The following PCDHGA3 variants were observed in gnomAD, a reference collection of about 807,000 sequenced individuals.
PCDHGA3 encodes protocadherin gamma-A3.
PCDHGA3 carries 40 observed loss-of-function variants against 58.5 expected under a neutral mutation model. That is an observed-to-expected ratio of 0.68 (90% confidence interval 0.53 to 0.89). The LOEUF is 0.89. Among genes scored for constraint, PCDHGA3 ranks in the 40% least tolerant of loss-of-function variants. The pLI, the probability that PCDHGA3 is intolerant of heterozygous loss-of-function variation, is 0.00. For synonymous variants in PCDHGA3, 530 were observed against 525.7 expected (o/e 1.01, Z -0.11); for missense variants, 1,223 against 1,195.9 (o/e 1.02, Z -0.33).
rs376621545 is a variant in PCDHGA3, at chr5:141,422,143, G to A, written c.2425-72664G>A. The stretch of plus-strand genomic sequence containing the variant: ...ACAAACTGGAGAAGTTCAAGTACGG[G>A]GGTCTCTGGATTTTGAAAAATATAG... On this transcript the variant is annotated intron_variant, in intron 1 of 3. Transcript: ENST00000253812. 36 of 1,583,638 alleles carry A rather than the reference G, an allele frequency of 2.3e-5. No individual in the cohort carries two copies. The African/African-American group carries it at 3.8e-4, about 17-fold the overall frequency.
chr5:141,390,358 G>A lies in PCDHGA3; in HGVS notation c.2424+43901G>A, dbSNP rs934109377. ...TATTCACAAGAAAATATACATATTT[G>A]CAGGAAAATATATAATTTTTAGATG... is the stretch of plus-strand genomic sequence containing the variant. On this transcript the variant is annotated intron_variant, in intron 1 of 3. Coordinates refer to ENST00000253812, the MANE Select transcript of PCDHGA3 (RefSeq NM_018916.4). The A allele has an allele frequency of 3.9e-6, 6 of 1,540,796 alleles. No homozygotes were observed. In the African/African-American group the frequency reaches 8.3e-5, roughly 21 times the overall value.
chr5:141,371,636 G>A, intron 1 of PCDHGA3: 4 of 1,614,044 alleles, frequency 2.5e-6, no homozygotes, highest in African/African-American at 2.7e-5. Context: ...ACCGGGAGCA[G>A]ATCCCAGAAT....
rs767330174 is a variant in PCDHGA3, at chr5:141,491,818, C to T, written c.2425-2989C>T. The T allele has an allele frequency of 1.6e-5, 24 of 1,481,560 alleles. No homozygotes were observed. The highest frequency in any genetic ancestry group is 1.9e-5 in the Non-Finnish European group (21 of 1,116,446). 91.8% of individuals were successfully genotyped at this position (1,481,560 alleles called of 1,614,324 possible). A position where few individuals can be genotyped will look rare whatever the true frequency, so the allele number is the denominator to read the frequency against. On this transcript the variant is annotated intron_variant, in intron 1 of 3. Transcript: ENST00000253812. This position sits in a 1 kb window ranked among gnomAD's most constrained non-coding sequence, Gnocchi z 6.9. ...CTCCGGCCGGCTTGGTCGCTGGCTGCGCTCCACCCGATTCTCGGGATCATT... is the reference window on the plus strand; with the variant it reads ...CTCCGGCCGGCTTGGTCGCTGGCTGTGCTCCACCCGATTCTCGGGATCATT...
rs759346998 is a variant in PCDHGA3 at position 141,410,849 on chromosome 5, CTTTTT to C, written c.2424+64410_2424+64414del. On this transcript the variant is annotated intron_variant, in intron 1 of 3. Transcript: ENST00000253812. ...CAGACTGAAGATATTTTGTCTTTGT[CTTTTT>C]TTTTTTTTTTTTTTTTTGAGATGGA... 1.3e-3 allele frequency: 178 copies of C among 137,948 alleles called. 1 individual carries two copies. Among genetic ancestry groups the C allele is most frequent in the East Asian group, 2.3e-3 (10 of 4,422 alleles). 8.5% of individuals were successfully genotyped at this position (137,948 alleles called of 1,614,324 possible). A position where few individuals can be genotyped will look rare whatever the true frequency, so the allele number is the denominator to read the frequency against.
At chr5:141,358,058 T>C (rs1166026389) in intron 1 of PCDHGA3, among the ~76,000 whole-genome samples, 9 of 152,056 alleles carry the variant, frequency 5.9e-5, no homozygotes, top group Non-Finnish European at 1.0e-4. Flanking sequence ...GGCGTGGTGG[T>C]GTGTGCCCGT....
At chr5:141,398,396 T>A (rs1191920974) in intron 1 of PCDHGA3, 1 of 1,465,660 alleles carries the variant, frequency 6.8e-7, no homozygotes, top group South Asian at 1.2e-5. Flanking sequence ...AGCAGCAGGC[T>A]AGACAGGGAG....
rs1288502839 is a variant in PCDHGA3 at position 141,356,953 on chromosome 5, G to A, written c.2424+10496G>A. 6 of 1,614,062 alleles carry A rather than the reference G, an allele frequency of 3.7e-6. No individual in the cohort carries two copies. In the East Asian group the frequency reaches 8.9e-5, roughly 24 times the overall value. On this transcript the variant is annotated intron_variant, in intron 1 of 3. Coordinates refer to ENST00000253812, the MANE Select transcript of PCDHGA3 (RefSeq NM_018916.4). ...GCTGGCACCCCGCTCCGCAGATTCCGGCTACCTGGTGACCAAAGTGGTGGC... is the reference window on the plus strand; with the variant it reads ...GCTGGCACCCCGCTCCGCAGATTCCAGCTACCTGGTGACCAAAGTGGTGGC...
intron 1 of PCDHGA3, chr5:141,366,089 C>A (rs1764317908): frequency 1.9e-6 from 3 of 1,614,268 alleles, no homozygotes; most frequent in Non-Finnish European, 2.5e-6. Flanking sequence ...ACCTGGCTAC[C>A]TGGTGACCAA....
intron 1 of PCDHGA3, chr5:141,388,437 A>C: frequency 6.2e-7 from 1 of 1,613,892 alleles, no homozygotes; most frequent in Non-Finnish European, 8.5e-7. Context: ...AAATAAAGAG[A>C]AATCAGATGG....
intron 1 of PCDHGA3, chr5:141,400,148 G>A (rs377393833): frequency 2.5e-6 from 4 of 1,614,056 alleles, no homozygotes; most frequent in African/African-American, 2.7e-5. Flanking sequence ...ATCACTGACC[G>A]CCCTGTACCC....
chr5:141,491,114 C>T lies in PCDHGA3; in HGVS notation c.2425-3693C>T, dbSNP rs1240431232. 1 of 1,614,104 alleles carries T rather than the reference C, an allele frequency of 6.2e-7. No homozygotes were observed. Among genetic ancestry groups the T allele is most frequent in the Admixed American group, 1.7e-5 (1 of 60,012 alleles). ...GGACTGTTCCTCGTGTCTACACACA[C>T]TGGTGAGGTGCGCACAGCCCGGGCC... On this transcript the variant is annotated intron_variant, in intron 1 of 3. Transcript: ENST00000253812. The surrounding 1 kb of genome is among the most constrained non-coding windows in gnomAD (Gnocchi z 6.9).
intron 1 of PCDHGA3, chr5:141,351,561 T>G (rs767147157): frequency 6.2e-7 from 1 of 1,614,004 alleles, no homozygotes; most frequent in Non-Finnish European, 8.5e-7. Flanking sequence ...AGGACAAGCA[T>G]CACCCTGCAC....
intron 1 of PCDHGA3, among the ~76,000 whole-genome samples, chr5:141,480,839 G>A (rs1397361640): frequency 6.6e-6 from 1 of 152,196 alleles, no homozygotes; most frequent in Non-Finnish European, 1.5e-5. Context: ...AAGATCAGGA[G>A]TTTGAGACCA....
Position 141,507,906 on chromosome 5 carries a change from G to A in PCDHGA3, c.2572+2425G>A, listed in dbSNP as rs2099864753. ...AGAGAGGTTCCTGAAGTCCAGCCCA[G>A]CCAGGCCTGTGGGGCTGCTGAGAGG... On this transcript the variant is annotated intron_variant, in intron 3 of 3. Coordinates refer to ENST00000253812, the MANE Select transcript of PCDHGA3 (RefSeq NM_018916.4). Among the ~76,000 whole-genome samples, 4 of 152,216 alleles carry A rather than the reference G, an allele frequency of 2.6e-5. No homozygotes were observed. The South Asian group carries it at 8.3e-4, about 32-fold the overall frequency.
At chr5:141,394,577 G>A (rs757579320) in intron 1 of PCDHGA3, 5 of 1,613,986 alleles carry the variant, frequency 3.1e-6, no homozygotes, top group South Asian at 1.1e-5. Context: ...GCTACCTGGT[G>A]ACCAAGGTGG....
At chr5:141,371,067 A>G (rs763857858) in intron 1 of PCDHGA3, 8 of 1,613,868 alleles carry the variant, frequency 5.0e-6, no homozygotes, top group Non-Finnish European at 6.8e-6. Flanking sequence ...CAGAAGCTGT[A>G]CCACCCAGAT....
intron 1 of PCDHGA3, chr5:141,421,581 C>T (rs2096585155): frequency 2.5e-6 from 4 of 1,613,712 alleles, no homozygotes; most frequent in Admixed American, 1.7e-5. Flanking sequence ...TGAAGATTTA[C>T]GGAGTGGAGG....
At chr5:141,413,873 G>A (rs544856148) in intron 1 of PCDHGA3, 4 of 1,613,372 alleles carry the variant, frequency 2.5e-6, no homozygotes, top group Admixed American at 1.7e-5. Context: ...GTCCTTGTCA[G>A]TGTGACTGTC....
rs750917291 is a variant in PCDHGA3, at chr5:141,344,013, A to C, written c.-21A>C. On this transcript the variant is annotated 5_prime_UTR_variant, in exon 1 of 4. Transcript: ENST00000253812. Reference sequence around the variant, plus strand: ...AGGAAACTGGAACCGAATTCAGAGAAAGCGATTCACCGAAAAGGAAATGAC... The same window carrying C: ...AGGAAACTGGAACCGAATTCAGAGACAGCGATTCACCGAAAAGGAAATGAC... 5 of 1,514,700 alleles carry C rather than the reference A, an allele frequency of 3.3e-6. No individual in the cohort carries two copies. Among genetic ancestry groups the C allele is most frequent in the East Asian group, 2.3e-5 (1 of 43,082 alleles). 93.8% of individuals were successfully genotyped at this position (1,514,700 alleles called of 1,614,324 possible). A position where few individuals can be genotyped will look rare whatever the true frequency, so the allele number is the denominator to read the frequency against.
Sources: gnomAD v4.1 joint callset for allele counts (sites outside exome capture counted in the v4.1 genomes callset) on GRCh38, gnomAD v4.1.1 for gene constraint, Gnocchi (gnomAD v3.1) non-coding constraint, MANE v1.5 for transcripts, NCBI Gene and HGNC (gene_info 2026-07-23, HGNC 2026-07-21) for gene names.